Variants in TIAM1 observed in about 807,000 individuals in gnomAD.
The protein encoded by TIAM1 is TIAM Rac1 associated GEF 1.
In TIAM1, 65 loss-of-function variants were observed where a neutral mutation model predicts 163.5. The ratio of observed to expected loss-of-function variants is 0.40; its 90% CI spans 0.33 to 0.49. The LOEUF (loss-of-function observed/expected upper bound fraction) is 0.49, where lower values mean the gene tolerates loss of function less well. Among genes scored for constraint, TIAM1 ranks in the 20% least tolerant of loss-of-function variants. TIAM1 has a pLI of 0.77. For missense variants in TIAM1, 1,789 were observed against 2,044.7 expected, an observed-to-expected ratio of 0.87 and a Z score of 2.41; for synonymous variants, 833 against 810.1, an observed-to-expected ratio of 1.03 and a Z score of -0.48.
chr21:31,184,552 C>T (rs950461743), intron 14 of TIAM1, among the ~76,000 whole-genome samples: 2 of 152,120 alleles, frequency 1.3e-5, no homozygotes, highest in Non-Finnish European at 2.9e-5. Flanking sequence ...TACAGATGAC[C>T]GTTCATCTTC....
intron 1 of TIAM1, among the ~76,000 whole-genome samples, chr21:31,466,255 C>T (rs1051979613): frequency 5.3e-5 from 8 of 152,136 alleles, no homozygotes; most frequent in Non-Finnish European, 8.8e-5. Context: ...GCCGGGGAGG[C>T]GTCTGTGGAG....
intron 22 of TIAM1, among the ~76,000 whole-genome samples, chr21:31,139,867 A>AG (rs2082768245): frequency 1.3e-5 from 2 of 152,172 alleles, no homozygotes; most frequent in African/African-American, 4.8e-5. Context: ...ATTCTTTGTA[A>AG]AGTGTAGGTA....
intron 2 of TIAM1, among the ~76,000 whole-genome samples, chr21:31,382,519 A>G (rs1053661672): frequency 2.6e-5 from 4 of 152,238 alleles, no homozygotes; most frequent in African/African-American, 9.6e-5. Flanking sequence ...CTCAGAGCCA[A>G]ACAACCTCCT....
At chr21:31,182,851 C>T (rs2085100595) in intron 14 of TIAM1, among the ~76,000 whole-genome samples, 1 of 152,184 alleles carries the variant, frequency 6.6e-6, no homozygotes, top group Non-Finnish European at 1.5e-5. Context: ...TTACAACATG[C>T]CTAGCTGGTC....
At chr21:31,233,432 G>T (rs531225280) in intron 6 of TIAM1, among the ~76,000 whole-genome samples, 90 of 152,146 alleles carry the variant, frequency 5.9e-4, no homozygotes, top group Non-Finnish European at 1.1e-3. Context: ...TTAAGGCCAG[G>T]CATGGTGGCT....
chr21:31,499,976 G>A (rs1224566137), intron 1 of TIAM1, among the ~76,000 whole-genome samples: 1 of 151,808 alleles, frequency 6.6e-6, no homozygotes, highest in Non-Finnish European at 1.5e-5. Context: ...AGACCAGCCT[G>A]GCCAACATGG....
At chr21:31,502,421 A>T (rs1231709383) in intron 1 of TIAM1, among the ~76,000 whole-genome samples, 1 of 152,068 alleles carries the variant, frequency 6.6e-6, no homozygotes, top group African/African-American at 2.4e-5. Flanking sequence ...TACAGGTGTA[A>T]GCCACCGCAC....
chr21:31,205,608 C>T (rs1474312211), intron 11 of TIAM1, among the ~76,000 whole-genome samples: 1 of 152,182 alleles, frequency 6.6e-6, no homozygotes, highest in East Asian at 1.9e-4. Context: ...TGTCAAGGCA[C>T]CTCACTTGAA....
intron 2 of TIAM1, among the ~76,000 whole-genome samples, chr21:31,364,483 G>T (rs1269804314): frequency 6.6e-6 from 1 of 152,226 alleles, no homozygotes; most frequent in Non-Finnish European, 1.5e-5. Context: ...ACTGAAGTGG[G>T]TGTGGGGGAG....
chr21:31,256,629 G>GAA (rs2072122797), intron 4 of TIAM1, among the ~76,000 whole-genome samples: 5 of 9,734 alleles, frequency 5.1e-4, no homozygotes, highest in African/African-American at 1.3e-3. Context: ...ACACACACAC[G>GAA]TATATTATCT....
At chr21:31,228,220 TAAAAAAAAAAAAAAAAAAAAAAAAA>T (rs71191197) in intron 6 of TIAM1, among the ~76,000 whole-genome samples, 5 of 16,256 alleles carry the variant, frequency 3.1e-4, no homozygotes, top group Non-Finnish European at 3.8e-4. Context: ...CTCCTTTTTT[TAAAAAAAAAAAAAAAAAAAAAAAAA>T]AAAAAAAAAA....
chr21:31,132,992 G>A (rs1260264760), intron 23 of TIAM1, among the ~76,000 whole-genome samples: 3 of 152,174 alleles, frequency 2.0e-5, no homozygotes, highest in African/African-American at 7.2e-5. Context: ...AGTCAACTTC[G>A]GTTTCAGAAG....
intron 2 of TIAM1, among the ~76,000 whole-genome samples, chr21:31,320,997 A>T (rs1478082382): frequency 2.0e-5 from 3 of 152,050 alleles, no homozygotes; most frequent in Non-Finnish European, 2.9e-5. Context: ...CTCAAAAAAA[A>T]AAAAGAGATC....
At chr21:31,357,383 G>A (rs1043501328) in intron 2 of TIAM1, among the ~76,000 whole-genome samples, 3 of 152,102 alleles carry the variant, frequency 2.0e-5, no homozygotes, top group East Asian at 1.9e-4. Flanking sequence ...AATCAGAGAG[G>A]ACTACCACAA....
chr21:31,155,785 G>C (rs2083595901), intron 16 of TIAM1, among the ~76,000 whole-genome samples: 4 of 152,212 alleles, frequency 2.6e-5, no homozygotes, highest in Admixed American at 2.6e-4. Flanking sequence ...ACAGGCGTGA[G>C]CCACCGCGCC....
At chr21:31,426,484 G>T (rs1339528425) in intron 2 of TIAM1, among the ~76,000 whole-genome samples, 1 of 152,166 alleles carries the variant, frequency 6.6e-6, no homozygotes, top group African/African-American at 2.4e-5. Flanking sequence ...CCAGTGGATT[G>T]GTTGCTTGAT....
chr21:31,192,891 G>C (rs1284802722), intron 13 of TIAM1, among the ~76,000 whole-genome samples: 1 of 152,142 alleles, frequency 6.6e-6, no homozygotes, highest in Non-Finnish European at 1.5e-5. Flanking sequence ...TGTGGAATGA[G>C]GACAACGTAT....
At chr21:31,303,533 G>GT (rs1286598930) in intron 2 of TIAM1, among the ~76,000 whole-genome samples, 4 of 151,968 alleles carry the variant, frequency 2.6e-5, no homozygotes, top group African/African-American at 9.7e-5. Flanking sequence ...TTGTAATGTT[G>GT]TCATATTTAA....
At chr21:31,196,657 A>C (rs1263484892) in intron 12 of TIAM1, among the ~76,000 whole-genome samples, 1 of 152,082 alleles carries the variant, frequency 6.6e-6, no homozygotes, top group Non-Finnish European at 1.5e-5. Context: ...TGGGAATGTA[A>C]ATTAGTTCAG....
Sources: gnomAD v4.1 joint callset for allele counts (sites outside exome capture counted in the v4.1 genomes callset) on GRCh38, gnomAD v4.1.1 for gene constraint, MANE v1.5 for transcripts, NCBI Gene and HGNC (gene_info 2026-07-23, HGNC 2026-07-21) for gene names.